Variants in PLPP1 observed in about 807,000 individuals in gnomAD.
The protein encoded by PLPP1 is phospholipid phosphatase 1, also known as lipid phosphate phosphohydrolase 1a.
PLPP1 carries 24 observed loss-of-function variants against 31.2 expected under a neutral mutation model. The ratio of observed to expected loss-of-function variants is 0.77; its 90% CI spans 0.56 to 1.08. The LOEUF (loss-of-function observed/expected upper bound fraction) is 1.08, where lower values mean the gene tolerates loss of function less well. PLPP1 is among the 50% of genes least tolerant of loss of function. The probability of loss-of-function intolerance (pLI) is 0.00; values close to 1 mark genes in which losing one functional copy is unlikely to be tolerated. For missense variants in PLPP1, 319 were observed against 342.7 expected (o/e 0.93, Z 0.55); for synonymous variants, 146 against 126.3 (o/e 1.16, Z -1.05).
At chr5:55,428,877 C>T (rs1031044306) in intron 4 of PLPP1, among the ~76,000 whole-genome samples, 1 of 152,192 alleles carries the variant, frequency 6.6e-6, no homozygotes, top group Non-Finnish European at 1.5e-5. Context: ...CTTAACAGAG[C>T]TGTATGTCCA....
chr5:55,449,348 G>A (rs552659945), intron 3 of PLPP1, among the ~76,000 whole-genome samples: 45 of 152,204 alleles, frequency 3.0e-4, no homozygotes, highest in Admixed American at 1.8e-3. Context: ...GATGTAAAAG[G>A]GATAATATAT....
At chr5:55,503,901 AG>A (rs1753202409) in intron 1 of PLPP1, among the ~76,000 whole-genome samples, 1 of 12,410 alleles carries the variant, frequency 8.1e-5, no homozygotes, top group South Asian at 5.9e-3. Flanking sequence ...GAGGAAGTAG[AG>A]GGGGGAGGAA....
chr5:55,450,321 G>T (rs1038667998), intron 3 of PLPP1, among the ~76,000 whole-genome samples: 4 of 152,120 alleles, frequency 2.6e-5, no homozygotes, highest in African/African-American at 9.7e-5. Context: ...CAGGAACATG[G>T]ACAATGAAAA....
intron 3 of PLPP1, among the ~76,000 whole-genome samples, chr5:55,443,815 G>A (rs369128215): frequency 3.3e-5 from 5 of 152,104 alleles, no homozygotes; most frequent in African/African-American, 1.2e-4. Context: ...AAAAACAAAG[G>A]GGTAATTCTA....
chr5:55,471,820 T>C (rs1752421647), intron 2 of PLPP1, among the ~76,000 whole-genome samples: 1 of 152,224 alleles, frequency 6.6e-6, no homozygotes, highest in South Asian at 2.1e-4. Flanking sequence ...ATTGAATTAT[T>C]TTAAATGAGC....
At chr5:55,428,288 CAA>C (rs1751259446) in intron 4 of PLPP1, among the ~76,000 whole-genome samples, 1 of 152,206 alleles carries the variant, frequency 6.6e-6, no homozygotes, top group Non-Finnish European at 1.5e-5. Flanking sequence ...TCTCTAGTGA[CAA>C]ACAGGCATGG....
chr5:55,522,690 CATTTTGTTTT>C (rs1322987443), intron 1 of PLPP1, among the ~76,000 whole-genome samples: 2 of 139,598 alleles, frequency 1.4e-5, no homozygotes, highest in East Asian at 2.1e-4. Context: ...CTAAAATAAT[CATTTTGTTTT>C]GTTTTGTTTT....
chr5:55,512,483 A>G (rs1254628643), intron 1 of PLPP1, among the ~76,000 whole-genome samples: 2,082 of 13,270 alleles, frequency 0.16, 136 homozygotes, highest in Admixed American at 0.25. Context: ...AAAAAAAAAA[A>G]GAAAGAAAGA....
chr5:55,503,920 G>A (rs1753204049), intron 1 of PLPP1, among the ~76,000 whole-genome samples: 1 of 88,518 alleles, frequency 1.1e-5, no homozygotes, highest in Admixed American at 1.3e-4. Flanking sequence ...GAAGGGGGGG[G>A]AGGAATGGGA....
chr5:55,530,846 A>ATGTGGCC, intron 1 of PLPP1: 1 of 1,191,872 alleles, frequency 8.4e-7, no homozygotes, highest in Non-Finnish European at 1.2e-6. Flanking sequence ...GGGCAGTAGG[A>ATGTGGCC]TGTGGCCGCG....
chr5:55,460,415 A>G (rs928160942), intron 3 of PLPP1, among the ~76,000 whole-genome samples: 2 of 152,204 alleles, frequency 1.3e-5, no homozygotes, highest in Admixed American at 1.3e-4. Flanking sequence ...AATAAAATTG[A>G]TAAGTTTCTA....
intron 4 of PLPP1, among the ~76,000 whole-genome samples, chr5:55,437,862 T>G (rs1009676722): frequency 4.6e-5 from 7 of 152,216 alleles, no homozygotes; most frequent in Non-Finnish European, 7.3e-5. Flanking sequence ...TAATCAAGTT[T>G]GGAAAACATC....
intron 1 of PLPP1, chr5:55,484,803 G>A (rs1033184904): frequency 6.6e-5 from 10 of 152,144 alleles, no homozygotes; most frequent in African/African-American, 2.4e-4. Context: ...TCAACCTCCA[G>A]GTAGGTGAGG....
rs567759556 is a variant in PLPP1 at position 55,458,623 on chromosome 5, C to T, written c.491+9246G>A. Among the ~76,000 whole-genome samples the T allele has an allele frequency of 2.0e-5, 3 of 152,168 alleles. No individual in the cohort carries two copies. The South Asian group carries it at 6.2e-4, about 32-fold the overall frequency. On this transcript the variant is annotated intron_variant, in intron 3 of 5. Transcript: ENST00000307259. The stretch of plus-strand genomic sequence containing the variant: ...CATAGCAAGGCTGGGCGTGGTGGCT[C>T]ACGCCTGTAGTCCCAGCATTTAGGG...
intron 4 of PLPP1, among the ~76,000 whole-genome samples, chr5:55,434,625 C>T (rs1354244205): frequency 6.6e-6 from 1 of 152,022 alleles, no homozygotes; most frequent in African/African-American, 2.4e-5. Context: ...AATAAGTCCA[C>T]GTATTTACAG....
intron 1 of PLPP1, chr5:55,485,188 G>A (rs1346680723): frequency 1.3e-5 from 2 of 152,168 alleles, no homozygotes; most frequent in East Asian, 3.8e-4. Context: ...ATTTGCACCT[G>A]AAAACTACAG....
intron 3 of PLPP1, among the ~76,000 whole-genome samples, chr5:55,449,782 G>A (rs1444643264): frequency 1.3e-5 from 2 of 151,924 alleles, no homozygotes; most frequent in Non-Finnish European, 2.9e-5. Flanking sequence ...TATAACTAAT[G>A]CAGCTAATAA....
intron 2 of PLPP1, among the ~76,000 whole-genome samples, chr5:55,469,987 A>G (rs894538669): frequency 1.3e-5 from 2 of 152,208 alleles, no homozygotes; most frequent in African/African-American, 4.8e-5. Context: ...TAGTTTATAC[A>G]TGTTAAGCCC....
At chr5:55,525,456 T>A (rs2111947759) in intron 1 of PLPP1, among the ~76,000 whole-genome samples, 1 of 152,260 alleles carries the variant, frequency 6.6e-6, no homozygotes, top group African/African-American at 2.4e-5. Context: ...ATAGACTAGT[T>A]TTTCATAGCT....
Sources: allele counts gnomAD v4.1 joint callset (sites outside exome capture counted in the v4.1 genomes callset), GRCh38; gene constraint gnomAD v4.1.1; transcripts MANE v1.5; gene names NCBI Gene and HGNC (gene_info 2026-07-23, HGNC 2026-07-21).